The following LTN1 variants were observed in gnomAD, a reference collection of about 807,000 sequenced individuals.
The protein encoded by LTN1 is listerin E3 ubiquitin protein ligase 1.
In LTN1, 88 loss-of-function variants were observed where a neutral mutation model predicts 201.2. The observed-to-expected ratio is 0.44, with a 90% CI of 0.37 to 0.52. The LOEUF is 0.52. Among genes scored for constraint, LTN1 ranks in the 20% least tolerant of loss-of-function variants. LTN1 has a pLI of 0.00. For synonymous variants in LTN1, 645 were observed against 713.5 expected (o/e 0.90, Z 1.53); for missense variants, 1,752 against 2,038.7 (o/e 0.86, Z 2.71).
intron 13 of LTN1, among the ~76,000 whole-genome samples, chr21:28,958,915 G>A (rs2084449874): frequency 6.6e-6 from 1 of 151,674 alleles, no homozygotes; most frequent in Non-Finnish European, 1.5e-5. Context: ...AAAAGAGAGA[G>A]AGAAAGAGGA....
intron 6 of LTN1, among the ~76,000 whole-genome samples, chr21:28,979,997 T>C (rs187725998): frequency 1.7e-4 from 26 of 152,138 alleles, no homozygotes; most frequent in East Asian, 1.6e-3. Context: ...AAACTTGCAG[T>C]GTCTTGCAGT....
Position 28,959,702 on chromosome 21 carries a change from A to AG in LTN1, c.2354-6dup. 1.3e-6 allele frequency: 2 copies of AG among 1,588,110 alleles called. No homozygotes were observed. Among genetic ancestry groups the AG allele is most frequent in the Non-Finnish European group, 1.7e-6 (2 of 1,169,334 alleles). On this transcript the variant is annotated splice_region_variant and splice_polypyrimidine_tract_variant and intron_variant, in intron 12 of 29. Coordinates refer to ENST00000361371, the MANE Select transcript of LTN1 (RefSeq NM_015565.3). The stretch of plus-strand genomic sequence containing the variant: ...ATACGTCTCCAATCAAGTAATCTGG[A>AG]GAAAAAAAGGTTCAAACAGACAAAA...
At chr21:28,947,881 G>C (rs1443727757) in intron 18 of LTN1, among the ~76,000 whole-genome samples, 1 of 142,184 alleles carries the variant, frequency 7.0e-6, no homozygotes, top group African/African-American at 2.6e-5. Flanking sequence ...ATGACATTAT[G>C]TCCTCTTTTA....
At chr21:28,958,324 C>G in intron 14 of LTN1, 62 bp downstream of exon 14, 2 of 1,476,390 alleles carry the variant, frequency 1.4e-6, no homozygotes, top group Non-Finnish European at 1.8e-6. Context: ...ATCATGGAAT[C>G]TAATTTAAGG....
Position 28,986,699 on chromosome 21 carries a change from T to C in LTN1, c.246+32A>G. The C allele has an allele frequency of 6.6e-7, 1 of 1,517,832 alleles. No individual in the cohort carries two copies. Among genetic ancestry groups the C allele is most frequent in the Non-Finnish European group, 9.1e-7 (1 of 1,099,014 alleles). 94.0% of individuals were successfully genotyped at this position (1,517,832 alleles called of 1,614,324 possible). On this transcript the variant is annotated intron_variant, in intron 2 of 29. Coordinates refer to ENST00000361371, the MANE Select transcript of LTN1 (RefSeq NM_015565.3). The surrounding 1 kb of genome is among the most constrained non-coding windows in gnomAD (Gnocchi z 4.1). The stretch of plus-strand genomic sequence containing the variant: ...ATTTTATTTTAACAAAGGGATTTTC[T>C]TGATAATTTTTATGAAAACAAGAAA...
chr21:28,936,242 A>G (rs1032919192), intron 26 of LTN1, among the ~76,000 whole-genome samples: 1 of 152,230 alleles, frequency 6.6e-6, no homozygotes, highest in African/African-American at 2.4e-5. Context: ...CCCCTGATTT[A>G]TATGCCTATA....
chr21:28,985,464 A>T (rs1004850315), intron 3 of LTN1, among the ~76,000 whole-genome samples: 12 of 137,760 alleles, frequency 8.7e-5, no homozygotes, highest in African/African-American at 2.4e-4. Flanking sequence ...CGTCTCAATT[A>T]AAAAAAAAAA....
chr21:28,936,714 A>C lies in LTN1; in HGVS notation c.4483-17T>G. The C allele has an allele frequency of 2.5e-6, 4 of 1,592,578 alleles. No homozygotes were observed. The highest frequency in any genetic ancestry group is 3.4e-6 in the Non-Finnish European group (4 of 1,165,998). ...AGCCCGAAGCTGGTGGAGAGCAAAG[A>C]ATTTGTTAGTAAACCAAATACACCA... On this transcript the variant is annotated splice_polypyrimidine_tract_variant and intron_variant, in intron 25 of 29. Transcript: ENST00000361371.
At chr21:28,984,353 ATT>A (rs1328222009) in intron 4 of LTN1, among the ~76,000 whole-genome samples, 2 of 151,920 alleles carry the variant, frequency 1.3e-5, no homozygotes, top group African/African-American at 4.8e-5. Flanking sequence ...ATATATATAT[ATT>A]GATATGGAAA....
intron 25 of LTN1, among the ~76,000 whole-genome samples, chr21:28,940,430 A>G (rs973607966): frequency 1.3e-5 from 2 of 152,234 alleles, no homozygotes; most frequent in Non-Finnish European, 2.9e-5. Context: ...AGATATTTTC[A>G]CCACTTAGGT....
At chr21:28,952,295 G>C (rs376957061) in intron 17 of LTN1, 31 bp from the exon 18 acceptor site, 1 of 1,301,586 alleles carries the variant, frequency 7.7e-7, no homozygotes, top group African/African-American at 1.5e-5. Flanking sequence ...ATTATATTCC[G>C]TTTTGAAAGC....
chr21:28,931,700 GT>G (rs2146251309), intron 28 of LTN1, among the ~76,000 whole-genome samples: 1 of 152,226 alleles, frequency 6.6e-6, no homozygotes, highest in Non-Finnish European at 1.5e-5. Flanking sequence ...GAGCATATTT[GT>G]TTTAAAATAG....
chr21:28,943,042 C>CAGT (rs947465751), intron 24 of LTN1, among the ~76,000 whole-genome samples: 5 of 152,144 alleles, frequency 3.3e-5, no homozygotes, highest in African/African-American at 7.2e-5. Flanking sequence ...TTTTACTGAA[C>CAGT]AGTAGCAAAC....
At chr21:28,975,488 G>A (rs2084607857) in intron 6 of LTN1, among the ~76,000 whole-genome samples, 1 of 152,142 alleles carries the variant, frequency 6.6e-6, no homozygotes, top group African/African-American at 2.4e-5. Context: ...GGGAGATACA[G>A]AGTAAATATA....
rs781274168 is a variant in LTN1, at chr21:28,952,179, G to A, written c.3325C>T (p.His1109Tyr). 1.0e-5 allele frequency: 16 copies of A among 1,597,494 alleles called. No homozygotes were observed. The highest frequency in any genetic ancestry group is 1.2e-5 in the Non-Finnish European group (14 of 1,169,108). The change falls in exon 18 of 30, where the codon CAT becomes TAT. Residue 1109 changes from histidine to tyrosine, a missense_variant. By Grantham distance (83) the His-to-Tyr change is moderately conservative. Coordinates refer to ENST00000361371, the MANE Select transcript of LTN1 (RefSeq NM_015565.3). ...RSISSDEVKP[H>Y]YKRKESFFPL... ...GAATACCTTTCTTTTCTCTTATAAT[G>A]TGGTTTTACTTCATCAGATGAAATG...
At position 28,949,493 on chromosome 21, in the gene LTN1, C is replaced by T. The variant is rs576467749; in HGVS notation, c.3345-1887G>A. 6.6e-5 allele frequency among the ~76,000 whole-genome samples: 10 copies of T among 152,132 alleles called. 1 individual carries two copies. The highest frequency in any genetic ancestry group is 3.9e-4 in the Admixed American group (6 of 15,262). Reference sequence around the variant, plus strand: ...AAAACTGAAACTCTACCCACTAACACGAATGCTCCATTCCTCTCTCACCCT... The same window carrying T: ...AAAACTGAAACTCTACCCACTAACATGAATGCTCCATTCCTCTCTCACCCT... On this transcript the variant is annotated intron_variant, in intron 18 of 29. Transcript: ENST00000361371.
At position 28,986,918 on chromosome 21, in the gene LTN1, C is replaced by T. The variant is rs375416726; in HGVS notation, c.59G>A (p.Arg20Gln). ...KGNLRPSNSG[R>Q]AAELLAKEQG... ...TTCTTTGGCAAGGAGTTCTGCAGCT[C>T]GGCCACTGTTTGAAGGCTGATAAGA... The change falls in exon 2 of 30, where the codon CGA becomes CAA. Residue 20 changes from arginine to glutamine, a missense_variant. This residue lies in a region of LTN1 where 280 missense variants were observed against 375.7 expected (regional missense o/e 0.75). Coordinates refer to ENST00000361371, the MANE Select transcript of LTN1 (RefSeq NM_015565.3). The surrounding 1 kb of genome is among the most constrained non-coding windows in gnomAD (Gnocchi z 4.1). 18 of 1,613,842 alleles carry T rather than the reference C, an allele frequency of 1.1e-5. No individual in the cohort carries two copies. Among genetic ancestry groups the T allele is most frequent in the East Asian group, 2.2e-5 (1 of 44,874 alleles).
At position 28,954,105 on chromosome 21, in the gene LTN1, G is replaced by A. The variant is rs141730459; in HGVS notation, c.3080-729C>T. 5.5e-3 allele frequency among the ~76,000 whole-genome samples: 844 copies of A among 152,170 alleles called. 6 individuals are homozygous for A. Among genetic ancestry groups the A allele is most frequent in the Non-Finnish European group, 0.011 (717 of 67,998 alleles). On this transcript the variant is annotated intron_variant, in intron 16 of 29. Coordinates refer to ENST00000361371, the MANE Select transcript of LTN1 (RefSeq NM_015565.3). ...ACAATAATATCTGACTAATGAGCTCGATAAAATTAAAGAAATAATATTGCC... is the reference window on the plus strand; with the variant it reads ...ACAATAATATCTGACTAATGAGCTCAATAAAATTAAAGAAATAATATTGCC...
At chr21:28,972,981 C>T (rs963945309) in intron 6 of LTN1, among the ~76,000 whole-genome samples, 4 of 152,106 alleles carry the variant, frequency 2.6e-5, no homozygotes, top group African/African-American at 9.7e-5. Flanking sequence ...AATCAGAAGA[C>T]ATGGAATAGT....
Sources: gnomAD v4.1 joint callset for allele counts (sites outside exome capture counted in the v4.1 genomes callset) on GRCh38, gnomAD v4.1.1 for gene constraint, gnomAD v4.1.1 regional missense constraint, Gnocchi (gnomAD v3.1) non-coding constraint, MANE v1.5 for transcripts, NCBI Gene and HGNC (gene_info 2026-07-23, HGNC 2026-07-21) for gene names.